CMC2: variants seen among roughly 807,000 people sequenced by gnomAD.
CMC2 encodes the protein COX assembly mitochondrial protein 2 homolog.
CMC2 carries 5 observed loss-of-function variants against 7.5 expected under a neutral mutation model. The ratio of observed to expected loss-of-function variants is 0.66; its 90% CI spans 0.35 to 1.40. The LOEUF (loss-of-function observed/expected upper bound fraction) is 1.40, where lower values mean the gene tolerates loss of function less well. CMC2 is among the 40% of genes most tolerant of loss of function. The pLI, the probability that CMC2 is intolerant of heterozygous loss-of-function variation, is 0.04. For synonymous variants in CMC2, 37 were observed against 31.4 expected (o/e 1.18, Z -0.60); for missense variants, 115 against 92.3 (o/e 1.25, Z -1.01).
intron 3 of CMC2, chr16:80,980,676 G>C (rs1434235676): frequency 1.9e-6 from 1 of 530,862 alleles, no homozygotes; most frequent in Admixed American, 3.3e-5. Flanking sequence ...GACTGCTTGA[G>C]GTTAGCAGTT....
intron 2 of CMC2, among the ~76,000 whole-genome samples, chr16:80,990,469 C>CAA (rs1485560433): frequency 1.3e-5 from 2 of 152,000 alleles, no homozygotes; most frequent in East Asian, 3.9e-4. Flanking sequence ...CGCCACCGGC[C>CAA]AAAAGATTTT....
chr16:80,985,121 T>C (rs780753872), intron 2 of CMC2, among the ~76,000 whole-genome samples: 7 of 152,146 alleles, frequency 4.6e-5, no homozygotes, highest in Admixed American at 6.6e-5. Flanking sequence ...TCACAGTACA[T>C]AGTCAGAGGG....
At position 80,998,037 on chromosome 16, in the gene CMC2, T is replaced by C. The variant is rs569539217; in HGVS notation, c.-35-608A>G. 3.9e-5 allele frequency: 6 copies of C among 151,934 alleles called. No individual in the cohort carries two copies. The East Asian group carries it at 1.2e-3, about 29-fold the overall frequency. 9.4% of individuals were successfully genotyped at this position (151,934 alleles called of 1,614,324 possible). ...CTGAAATCCCTGAACTTAAGTTTAA[T>C]TGGATCATCCACAAGGTGGAAAATT... On this transcript the variant is annotated intron_variant, in intron 1 of 3. Coordinates refer to ENST00000219400, the MANE Select transcript of CMC2 (RefSeq NM_020188.5).
Position 80,968,028 on chromosome 16 carries a change from A to G in CMC2, c.*8065T>C, listed in dbSNP as rs1377917498. 6.6e-6 allele frequency: 1 copy of G among 152,226 alleles called. No homozygotes were observed. Among genetic ancestry groups the G allele is most frequent in the Non-Finnish European group, 1.5e-5 (1 of 68,048 alleles). 9.4% of individuals were successfully genotyped at this position (152,226 alleles called of 1,614,324 possible). A position where few individuals can be genotyped will look rare whatever the true frequency, so the allele number is the denominator to read the frequency against. ...CTGCTTAAAAATTAAATGCAGAAAAAAGAGTAAGCTAGAAGTGATGACAAG... is the reference window on the plus strand; with the variant it reads ...CTGCTTAAAAATTAAATGCAGAAAAGAGAGTAAGCTAGAAGTGATGACAAG... On this transcript the variant is annotated 3_prime_UTR_variant, in exon 4 of 4. Transcript: ENST00000219400.
chr16:80,991,165 C>T (rs1230934695), intron 2 of CMC2, among the ~76,000 whole-genome samples: 2 of 151,956 alleles, frequency 1.3e-5, no homozygotes, highest in East Asian at 3.9e-4. Flanking sequence ...TCCATACTGA[C>T]ATAAGTAAAT....
chr16:80,989,460 C>T (rs79177215), intron 2 of CMC2, among the ~76,000 whole-genome samples: 2,800 of 152,226 alleles, frequency 0.018, 87 homozygotes, highest in African/African-American at 0.064. Context: ...CAAGCTAGCC[C>T]CTGTCCTTTT....
chr16:80,987,500 T>C (rs1157536678), intron 2 of CMC2, among the ~76,000 whole-genome samples: 2 of 152,204 alleles, frequency 1.3e-5, no homozygotes, highest in Non-Finnish European at 2.9e-5. Flanking sequence ...CCAAGTAGCT[T>C]TGACGAAATA....
chr16:80,993,735 G>A (rs1229222017), intron 2 of CMC2, among the ~76,000 whole-genome samples: 4 of 152,090 alleles, frequency 2.6e-5, no homozygotes, highest in African/African-American at 7.2e-5. Context: ...CTAAAAATAT[G>A]TAAAAACACG....
intron 2 of CMC2, among the ~76,000 whole-genome samples, chr16:80,986,778 G>C (rs1488464780): frequency 1.3e-5 from 2 of 152,216 alleles, no homozygotes; most frequent in Non-Finnish European, 2.9e-5. Context: ...AAAGAGATAA[G>C]ATAAATTTGT....
Position 80,970,746 on chromosome 16 carries a change from C to G in CMC2, c.*5347G>C, listed in dbSNP as rs1206778785. 1 of 152,114 alleles carries G rather than the reference C, an allele frequency of 6.6e-6. No individual in the cohort carries two copies. The highest frequency in any genetic ancestry group is 2.4e-5 in the African/African-American group (1 of 41,420). 9.4% of individuals were successfully genotyped at this position (152,114 alleles called of 1,614,324 possible). ...GCCTTCTGAATGTAAGATAAATATA[C>G]AGAAGTCAATTACACTCCAATGTAT... On this transcript the variant is annotated 3_prime_UTR_variant, in exon 4 of 4. Transcript: ENST00000219400.
rs1401213277 is a variant in CMC2 at position 80,970,109 on chromosome 16, G to C, written c.*5984C>G. On this transcript the variant is annotated 3_prime_UTR_variant, in exon 4 of 4. Coordinates refer to ENST00000219400, the MANE Select transcript of CMC2 (RefSeq NM_020188.5). The stretch of plus-strand genomic sequence containing the variant: ...ATTTAAATAACTTACCTGACCATTG[G>C]GAGGGATGAAGAAACTTCAGAGCCA... 1 of 152,120 alleles carries C rather than the reference G, an allele frequency of 6.6e-6. No individual in the cohort carries two copies. The highest frequency in any genetic ancestry group is 2.4e-5 in the African/African-American group (1 of 41,426). 9.4% of individuals were successfully genotyped at this position (152,120 alleles called of 1,614,324 possible). A position where few individuals can be genotyped will look rare whatever the true frequency, so the allele number is the denominator to read the frequency against.
intron 2 of CMC2, among the ~76,000 whole-genome samples, chr16:80,990,265 G>C (rs1042040088): frequency 6.6e-6 from 1 of 152,096 alleles, no homozygotes; most frequent in South Asian, 2.1e-4. Context: ...CTGTCTCCCA[G>C]GTTCAAGTGA....
intron 2 of CMC2, among the ~76,000 whole-genome samples, chr16:80,987,860 T>C (rs1016262213): frequency 6.6e-6 from 1 of 152,058 alleles, no homozygotes; most frequent in Non-Finnish European, 1.5e-5. Context: ...GGTAATATAA[T>C]TCACTCGATT....
At chr16:81,000,828 G>T (rs925382911) in intron 1 of CMC2, among the ~76,000 whole-genome samples, 2 of 152,194 alleles carry the variant, frequency 1.3e-5, no homozygotes, top group African/African-American at 2.4e-5. Flanking sequence ...ACTAGATCCA[G>T]CAATCCCATT....
chr16:80,978,399 G>C, intron 3 of CMC2: 1 of 1,265,260 alleles, frequency 7.9e-7, no homozygotes, highest in Non-Finnish European at 1.0e-6. Context: ...CATCTCCAAA[G>C]GAAGTCCAGA....
chr16:80,985,716 T>C (rs563952203), intron 2 of CMC2, among the ~76,000 whole-genome samples: 14 of 151,376 alleles, frequency 9.2e-5, no homozygotes, highest in Admixed American at 6.6e-4. Context: ...TCAAACAGAG[T>C]GACTGCACCA....
chr16:80,988,634 G>T lies in CMC2; in HGVS notation c.82-6757C>A, dbSNP rs772156465. On this transcript the variant is annotated intron_variant, in intron 2 of 3. Coordinates refer to ENST00000219400, the MANE Select transcript of CMC2 (RefSeq NM_020188.5). Reference sequence around the variant, plus strand: ...AGGACTTAAATTTAAGTCTCCATACGATTACCAAAATTAGGAAATTAACAT... The same window carrying T: ...AGGACTTAAATTTAAGTCTCCATACTATTACCAAAATTAGGAAATTAACAT... 57 of 696,232 alleles carry T rather than the reference G, an allele frequency of 8.2e-5. No individual in the cohort carries two copies. The East Asian group carries it at 1.3e-3, about 16-fold the overall frequency. The allele number at this position is 696,232 out of a possible 1,614,324, so 43.1% of individuals were successfully genotyped here. A position where few individuals can be genotyped will look rare whatever the true frequency, so the allele number is the denominator to read the frequency against.
intron 2 of CMC2, among the ~76,000 whole-genome samples, chr16:80,991,583 G>T (rs1460641611): frequency 6.6e-6 from 1 of 151,790 alleles, no homozygotes; most frequent in Non-Finnish European, 1.5e-5. Flanking sequence ...TGAAGCTGCA[G>T]TAAGCCAAAA....
intron 2 of CMC2, among the ~76,000 whole-genome samples, chr16:80,994,593 C>T (rs1294180029): frequency 3.3e-5 from 5 of 152,124 alleles, no homozygotes; most frequent in African/African-American, 7.2e-5. Context: ...ACATGAAAAG[C>T]ATGTCAAAAT....
Sources: gnomAD v4.1 joint callset for allele counts (sites outside exome capture counted in the v4.1 genomes callset) on GRCh38, gnomAD v4.1.1 for gene constraint, MANE v1.5 for transcripts, NCBI Gene and HGNC (gene_info 2026-07-23, HGNC 2026-07-21) for gene names.